The following MSR1 variants were observed in gnomAD, a reference collection of about 807,000 sequenced individuals.
MSR1 encodes the protein macrophage scavenger receptor types I and II.
Under a neutral mutation model 47.2 loss-of-function variants are expected in MSR1, and 53 were observed. That is an observed-to-expected ratio of 1.12 (90% CI 0.90 to 1.41). The LOEUF (loss-of-function observed/expected upper bound fraction) is 1.41. MSR1 is among the 40% of genes most tolerant of loss of function. The pLI, the probability that MSR1 is intolerant of heterozygous loss-of-function variation, is 0.00. For missense variants in MSR1, 786 were observed against 546.9 expected (o/e 1.44, Z -4.36); for synonymous variants, 239 against 185.6 (o/e 1.29, Z -2.34).
At chr8:16,176,954 C>T (rs1288704063) in intron 2 of MSR1, among the ~76,000 whole-genome samples, 1 of 152,192 alleles carries the variant, frequency 6.6e-6, no homozygotes, top group African/African-American at 2.4e-5. Flanking sequence ...TGCTTCTTCA[C>T]ACTGAAATAT....
At chr8:16,149,386 C>CT (rs933828077) in intron 7 of MSR1, among the ~76,000 whole-genome samples, 4 of 151,616 alleles carry the variant, frequency 2.6e-5, no homozygotes, top group African/African-American at 9.7e-5. Flanking sequence ...GACCCTATTC[C>CT]TTTTTTTTCT....
chr8:16,173,620 G>A (rs985734162), intron 3 of MSR1, among the ~76,000 whole-genome samples: 2 of 151,942 alleles, frequency 1.3e-5, no homozygotes, highest in African/African-American at 4.8e-5. Context: ...GTTACCTCTA[G>A]AAAATATTTT....
At chr8:16,164,705 G>T (rs912578099) in intron 4 of MSR1, among the ~76,000 whole-genome samples, 1 of 151,940 alleles carries the variant, frequency 6.6e-6, no homozygotes, top group African/African-American at 2.4e-5. Context: ...ATCCTCAGTG[G>T]TGATGATCAT....
intron 4 of MSR1, among the ~76,000 whole-genome samples, chr8:16,164,897 C>A (rs1247879060): frequency 6.6e-6 from 1 of 151,990 alleles, no homozygotes; most frequent in Non-Finnish European, 1.5e-5. Flanking sequence ...GACAGAGGAT[C>A]TACCTATATC....
intron 1 of MSR1, among the ~76,000 whole-genome samples, chr8:16,182,925 C>T (rs1280442408): frequency 2.0e-5 from 3 of 152,078 alleles, no homozygotes; most frequent in Non-Finnish European, 4.4e-5. Flanking sequence ...ACTGTATGTG[C>T]TATACTTTTA....
At chr8:16,131,394 T>C (rs1020063157) in intron 8 of MSR1, among the ~76,000 whole-genome samples, 6 of 151,754 alleles carry the variant, frequency 4.0e-5, no homozygotes, top group Admixed American at 6.6e-5. Context: ...GATACATAGT[T>C]TGCAAATATT....
At chr8:16,173,315 G>T (rs772952484) in intron 3 of MSR1, among the ~76,000 whole-genome samples, 1 of 152,126 alleles carries the variant, frequency 6.6e-6, no homozygotes, top group Non-Finnish European at 1.5e-5. Flanking sequence ...CAGAAGCTGC[G>T]GTCCCTGGTG....
At chr8:16,178,017 A>G (rs372085378) in intron 1 of MSR1, 25 bp from the exon 2 acceptor site, 64 of 1,558,594 alleles carry the variant, frequency 4.1e-5, no homozygotes, top group Non-Finnish European at 5.0e-5. Context: ...GGAAAAATAT[A>G]TTAATTCCAC....
Position 16,169,662 on chromosome 8 carries a change from C to G in MSR1, c.218-792G>C, listed in dbSNP as rs1321690369. Among the ~76,000 whole-genome samples the G allele has an allele frequency of 2.0e-5, 3 of 151,976 alleles. No individual in the cohort carries two copies. The East Asian group carries it at 5.8e-4, about 29-fold the overall frequency. On this transcript the variant is annotated intron_variant, in intron 3 of 9. Transcript: ENST00000262101. ...ATCATATTATTATCTTAAAATATGA[C>G]ATTTTTAAACAATCTGGAAACAACT...
chr8:16,179,879 CAAAAAAAAAAAA>C (rs58441043), intron 1 of MSR1, among the ~76,000 whole-genome samples: 4 of 80,950 alleles, frequency 4.9e-5, no homozygotes, highest in Admixed American at 1.5e-4. Flanking sequence ...CCCTGTGTCT[CAAAAAAAAAAAA>C]AAAAAAAAAA....
chr8:16,160,248 T>C (rs186362632), intron 5 of MSR1, among the ~76,000 whole-genome samples: 1 of 151,996 alleles, frequency 6.6e-6, no homozygotes, highest in African/African-American at 2.4e-5. Context: ...TACGAGGATA[T>C]AAAGAAATGA....
intron 1 of MSR1, 149 bp from the exon 2 acceptor site, chr8:16,178,141 A>G: frequency 1.6e-6 from 1 of 622,204 alleles, no homozygotes; most frequent in South Asian, 1.8e-5. Context: ...TCTAGGGTAC[A>G]TGTGCACAAC....
intron 8 of MSR1, among the ~76,000 whole-genome samples, chr8:16,137,675 T>C (rs1402422692): frequency 6.6e-6 from 1 of 152,116 alleles, no homozygotes; most frequent in Non-Finnish European, 1.5e-5. Context: ...AATGCTCTTC[T>C]GAGGATTAAT....
At chr8:16,186,074 G>A in intron 1 of MSR1, 1 of 1,207,666 alleles carries the variant, frequency 8.3e-7, no homozygotes. Flanking sequence ...GGTAGAAGCA[G>A]AAATAAAACC....
In MSR1 at chr8:16,123,165, G is replaced by A. The variant is rs185052187; in HGVS notation, c.1034-2559C>T. On this transcript the variant is annotated intron_variant, in intron 8 of 9. Transcript: ENST00000262101. Reference sequence around the variant, plus strand: ...CGGCCCTCTATTCAAATTCTTTAGGGCCAAATATGCTTGGGTATGCTGATC... The same window carrying A: ...CGGCCCTCTATTCAAATTCTTTAGGACCAAATATGCTTGGGTATGCTGATC... 2.0e-5 allele frequency among the ~76,000 whole-genome samples: 3 copies of A among 152,128 alleles called. No individual in the cohort carries two copies. The East Asian group carries it at 5.8e-4, about 30-fold the overall frequency.
chr8:16,128,221 C>G (rs978348784), intron 8 of MSR1, among the ~76,000 whole-genome samples: 1 of 152,106 alleles, frequency 6.6e-6, no homozygotes, highest in Non-Finnish European at 1.5e-5. Flanking sequence ...GACAGAGGAT[C>G]AATTCTTGAT....
At chr8:16,166,560 G>T (rs1421969482) in intron 4 of MSR1, among the ~76,000 whole-genome samples, 1 of 151,982 alleles carries the variant, frequency 6.6e-6, no homozygotes, top group East Asian at 1.9e-4. Flanking sequence ...GAGGAAAAGT[G>T]TATTTAATTT....
intron 8 of MSR1, among the ~76,000 whole-genome samples, chr8:16,138,008 G>GA (rs778936817): frequency 1.7e-3 from 206 of 122,650 alleles, no homozygotes; most frequent in Middle Eastern, 8.2e-3. Context: ...AAAGATAAAG[G>GA]AAAAAAAAAA....
At chr8:16,145,771 T>C (rs1800679880) in intron 7 of MSR1, among the ~76,000 whole-genome samples, 1 of 152,124 alleles carries the variant, frequency 6.6e-6, no homozygotes, top group East Asian at 1.9e-4. Flanking sequence ...TGCTTACCGA[T>C]GATACTTGAA....
Sources: allele counts gnomAD v4.1 joint callset (sites outside exome capture counted in the v4.1 genomes callset), GRCh38; gene constraint gnomAD v4.1.1; transcripts MANE v1.5; gene names NCBI Gene and HGNC (gene_info 2026-07-23, HGNC 2026-07-21).